Variants in FBLN2 observed in about 807,000 individuals in gnomAD.
The protein encoded by FBLN2 is fibulin 2, also known as fibulin-2.
Under a neutral mutation model 123.7 loss-of-function variants are expected in FBLN2, and 81 were observed. The ratio of observed to expected loss-of-function variants is 0.65; its 90% CI spans 0.55 to 0.79. The LOEUF (loss-of-function observed/expected upper bound fraction) is 0.79, where lower values mean the gene tolerates loss of function less well. Among genes scored for constraint, FBLN2 ranks in the 30% least tolerant of loss-of-function variants. FBLN2 has a pLI of 0.00. For synonymous variants in FBLN2, 699 were observed against 701.4 expected (o/e 1.00, Z 0.05); for missense variants, 1,603 against 1,681.3 (o/e 0.95, Z 0.81).
intron 1 of FBLN2, among the ~76,000 whole-genome samples, chr3:13,552,072 C>G (rs1180973016): frequency 1.3e-5 from 2 of 152,128 alleles, no homozygotes; most frequent in Non-Finnish European, 2.9e-5. Flanking sequence ...CTCTTGGCCT[C>G]AAGTGATCCT....
intron 2 of FBLN2, among the ~76,000 whole-genome samples, chr3:13,581,740 C>T (rs184706113): frequency 7.2e-5 from 11 of 152,290 alleles, no homozygotes; most frequent in South Asian, 6.2e-4. Context: ...CCCCAGACCC[C>T]GTGCCAGTGC....
chr3:13,623,539 C>T (rs1054970562), intron 9 of FBLN2, among the ~76,000 whole-genome samples: 6 of 152,308 alleles, frequency 3.9e-5, no homozygotes, highest in Admixed American at 2.6e-4. Flanking sequence ...GTACCTGCCG[C>T]GCGTTCTTTC....
At chr3:13,608,281 A>C in intron 3 of FBLN2, 108 bp downstream of exon 3, 2 of 748,770 alleles carry the variant, frequency 2.7e-6, no homozygotes, top group Non-Finnish European at 2.2e-6. Flanking sequence ...GCACCTTCAC[A>C]TGCCTCTGGG....
In FBLN2 at chr3:13,571,707, G is replaced by A. The variant is rs372332353; in HGVS notation, c.1306+46G>A. 1.0e-5 allele frequency: 15 copies of A among 1,475,866 alleles called. No individual in the cohort carries two copies. In the African/African-American group the frequency reaches 1.6e-4, roughly 15 times the overall value. 91.4% of individuals were successfully genotyped at this position (1,475,866 alleles called of 1,614,324 possible). A position where few individuals can be genotyped will look rare whatever the true frequency, so the allele number is the denominator to read the frequency against. The stretch of plus-strand genomic sequence containing the variant: ...CTTCAGGGCACTTTGTGTGGGAAGG[G>A]CAGCCTTGGGCTCTGGCCGCTGCCC... On this transcript the variant is annotated intron_variant, in intron 2 of 17. Transcript: ENST00000404922.
At chr3:13,616,370 T>G (rs1165609574) in intron 5 of FBLN2, among the ~76,000 whole-genome samples, 2 of 152,154 alleles carry the variant, frequency 1.3e-5, no homozygotes, top group African/African-American at 4.8e-5. Flanking sequence ...CCATGCTTCC[T>G]CCTGTGAGGA....
intron 2 of FBLN2, among the ~76,000 whole-genome samples, chr3:13,600,082 C>T (rs183163635): frequency 3.7e-3 from 344 of 93,602 alleles, no homozygotes; most frequent in Non-Finnish European, 5.0e-3. Context: ...AGAGAGAGAG[C>T]GCCAGGCAGG....
intron 2 of FBLN2, among the ~76,000 whole-genome samples, chr3:13,601,642 T>C: frequency 6.6e-6 from 1 of 152,244 alleles, no homozygotes; most frequent in East Asian, 1.9e-4. Flanking sequence ...AAATACTCAT[T>C]GAACACCCAC....
intron 2 of FBLN2, among the ~76,000 whole-genome samples, chr3:13,587,213 A>G (rs1418284988): frequency 6.6e-6 from 1 of 151,796 alleles, no homozygotes; most frequent in African/African-American, 2.4e-5. Context: ...AAGGATATAA[A>G]GAAATATTTT....
In FBLN2 at chr3:13,627,933, G is replaced by A. The variant is rs763000970; in HGVS notation, c.2533G>A (p.Asp845Asn). The A allele has an allele frequency of 3.1e-6, 5 of 1,613,632 alleles. No individual in the cohort carries two copies. The highest frequency in any genetic ancestry group is 4.2e-6 in the Non-Finnish European group (5 of 1,179,788). Residue 845 changes from aspartate to asparagine, a missense_variant, in exon 11 of 18, where the codon GAT (aspartate) becomes AAT (asparagine). Physicochemically the swap from Asp to Asn is conservative, Grantham distance 23. Coordinates refer to ENST00000404922, the MANE Select transcript of FBLN2 (RefSeq NM_001004019.2). The part of the protein sequence containing the change: ...FYCQARQRCM[D>N]GFLQDPEGNC... Reference sequence around the variant, plus strand: ...CTGCCAGGCCAGGCAGCGCTGCATGGATGGCTTCCTGCAGGATCCTGAAGG... The same window carrying A: ...CTGCCAGGCCAGGCAGCGCTGCATGAATGGCTTCCTGCAGGATCCTGAAGG...
chr3:13,588,249 C>T (rs1479642858), intron 2 of FBLN2, among the ~76,000 whole-genome samples: 1 of 152,186 alleles, frequency 6.6e-6, no homozygotes, highest in African/African-American at 2.4e-5. Flanking sequence ...ACAGGTGTGT[C>T]GCCTAGGAGC....
In FBLN2 at chr3:13,571,216, A is replaced by G; in HGVS notation, c.861A>G (p.Arg287=). ...SEEEEEEEEE[R]EEMAVTEQLA... is the part of the protein sequence containing the mutation. ...AGGAAGAAGAGGAGGAGGAGGAGAG[A>G]GAGGAAATGGCTGTCACTGAGCAGC... Residue 287 remains arginine (R), a synonymous_variant, in exon 2 of 18, where the codon AGA becomes AGG. Transcript: ENST00000404922. 3.8e-6 allele frequency: 6 copies of G among 1,570,192 alleles called. No individual in the cohort carries two copies. The highest frequency in any genetic ancestry group is 5.2e-6 in the Non-Finnish European group (6 of 1,158,056).
chr3:13,589,694 C>T (rs1349016123), intron 2 of FBLN2, among the ~76,000 whole-genome samples: 1 of 152,162 alleles, frequency 6.6e-6, no homozygotes, highest in African/African-American at 2.4e-5. Context: ...TACCATGACC[C>T]TATACTTCAC....
intron 4 of FBLN2, among the ~76,000 whole-genome samples, chr3:13,610,897 A>AATT (rs112793079): frequency 0.046 from 6,706 of 144,770 alleles, 393 homozygotes; most frequent in African/African-American, 0.14. Context: ...CCTTGTTTTA[A>AATT]ATTATTATTA....
chr3:13,617,967 G>A, intron 5 of FBLN2, 109 bp from the exon 6 acceptor site: 1 of 916,932 alleles, frequency 1.1e-6, no homozygotes, highest in Non-Finnish European at 1.7e-6. Flanking sequence ...CTGTCTGCTG[G>A]GCACACAGAG....
At chr3:13,622,053 C>T in intron 9 of FBLN2, 138 bp downstream of exon 9, 1 of 1,046,226 alleles carries the variant, frequency 9.6e-7, no homozygotes, top group Non-Finnish European at 1.3e-6. Flanking sequence ...TCTCCGTGCT[C>T]TATGTCGTGC....
intron 2 of FBLN2, among the ~76,000 whole-genome samples, chr3:13,589,256 A>G (rs1704597059): frequency 6.6e-6 from 1 of 152,228 alleles, no homozygotes; most frequent in African/African-American, 2.4e-5. Flanking sequence ...TGACAGTCGC[A>G]CACATCACTG....
intron 2 of FBLN2, among the ~76,000 whole-genome samples, chr3:13,587,196 A>C (rs1704538715): frequency 6.6e-6 from 1 of 151,486 alleles, no homozygotes; most frequent in South Asian, 2.1e-4. Context: ...AAAAACACAT[A>C]TAGAGTAAGG....
intron 1 of FBLN2, among the ~76,000 whole-genome samples, chr3:13,553,743 G>A (rs568384260): frequency 2.6e-4 from 39 of 152,322 alleles, no homozygotes; most frequent in African/African-American, 8.4e-4. Context: ...TATTGTAGGC[G>A]GCCAGTGCGT....
chr3:13,619,309 T>C (rs2280305), intron 7 of FBLN2, among the ~76,000 whole-genome samples: 23,420 of 152,226 alleles, frequency 0.15, 1,950 homozygotes, highest in East Asian at 0.33. Context: ...AAATCCTGGT[T>C]TGCCGACCTG....
Sources: allele counts gnomAD v4.1 joint callset (sites outside exome capture counted in the v4.1 genomes callset), GRCh38; gene constraint gnomAD v4.1.1; transcripts MANE v1.5; gene names NCBI Gene and HGNC (gene_info 2026-07-23, HGNC 2026-07-21).